Variants in USH2A observed in about 807,000 individuals in gnomAD.
USH2A encodes Usher syndrome 2A (autosomal recessive, mild).
Under a neutral mutation model 538.9 loss-of-function variants are expected in USH2A, and 443 were observed. The ratio of observed to expected loss-of-function variants is 0.82; its 90% CI spans 0.76 to 0.89. The LOEUF is 0.89. Among genes scored for constraint, USH2A ranks in the 40% least tolerant of loss-of-function variants. The pLI is 0.00. For missense variants in USH2A, 6,633 were observed against 6,324.8 expected (o/e 1.05, Z -1.65); for synonymous variants, 2,413 against 2,273.5 (o/e 1.06, Z -1.75).
intron 21 of USH2A, among the ~76,000 whole-genome samples, chr1:216,138,622 C>T (rs2033535360): frequency 6.6e-6 from 1 of 152,148 alleles, no homozygotes; most frequent in African/African-American, 2.4e-5. Context: ...TTATTGACTT[C>T]AACCTGATCA....
At chr1:215,801,956 A>G (rs1368798232) in intron 49 of USH2A, among the ~76,000 whole-genome samples, 1 of 152,170 alleles carries the variant, frequency 6.6e-6, no homozygotes, top group Admixed American at 6.6e-5. Flanking sequence ...GATCCTAAAA[A>G]TGAACCCTTG....
At chr1:215,748,199 G>A (rs1303793206) in intron 58 of USH2A, among the ~76,000 whole-genome samples, 1 of 152,144 alleles carries the variant, frequency 6.6e-6, no homozygotes, top group Non-Finnish European at 1.5e-5. Flanking sequence ...CACCAGGCTG[G>A]AGTGCAGTGG....
intron 62 of USH2A, among the ~76,000 whole-genome samples, chr1:215,677,921 C>T (rs1658087386): frequency 6.6e-6 from 1 of 152,198 alleles, no homozygotes; most frequent in Admixed American, 6.5e-5. Context: ...CTACTTGCTC[C>T]TAACTTGTTC....
chr1:216,137,866 G>C (rs1359058598), intron 21 of USH2A, among the ~76,000 whole-genome samples: 1 of 152,026 alleles, frequency 6.6e-6, no homozygotes, highest in Non-Finnish European at 1.5e-5. Flanking sequence ...GTTTAATAGA[G>C]CGATCTTTAC....
rs768104159 is a variant in USH2A, at chr1:215,728,261, A to AC, written c.11834dup (p.Cys3945TrpfsTer2). 2 of 1,614,154 alleles carry AC rather than the reference A, an allele frequency of 1.2e-6. No individual in the cohort carries two copies. The highest frequency in any genetic ancestry group is 2.7e-5 in the African/African-American group (2 of 75,040). ...GACTCTCCACTGAACCCTTGGAGTT[A>AC]CAGGCTCTGACCCGATATTCGTAGA... is the stretch of plus-strand genomic sequence containing the variant. On this transcript the variant is annotated frameshift_variant, in exon 61 of 72. Transcript: ENST00000307340. LOFTEE classifies it high-confidence loss of function.
intron 17 of USH2A, among the ~76,000 whole-genome samples, chr1:216,199,305 C>G (rs2034927447): frequency 1.3e-5 from 2 of 152,084 alleles, no homozygotes; most frequent in Admixed American, 6.6e-5. Flanking sequence ...ACTTGTGACA[C>G]AGTCAAATAT....
At chr1:215,649,046 T>A (rs1464040152) in intron 65 of USH2A, among the ~76,000 whole-genome samples, 1 of 152,262 alleles carries the variant, frequency 6.6e-6, no homozygotes, top group East Asian at 1.9e-4. Flanking sequence ...TCTATTACCT[T>A]AGAAAGGTAT....
chr1:216,147,024 A>C (rs545309646), intron 21 of USH2A, among the ~76,000 whole-genome samples: 1 of 152,338 alleles, frequency 6.6e-6, no homozygotes, highest in South Asian at 2.1e-4. Context: ...GTCATAAAAT[A>C]GGCAAATGGC....
intron 4 of USH2A, among the ~76,000 whole-genome samples, chr1:216,339,253 AC>A (rs1187498773): frequency 1.3e-5 from 2 of 151,526 alleles, no homozygotes; most frequent in African/African-American, 4.8e-5. Flanking sequence ...TTGAAGATAT[AC>A]TCTGTATTTT....
At chr1:215,955,533 A>G (rs1410706553) in intron 37 of USH2A, among the ~76,000 whole-genome samples, 1 of 152,210 alleles carries the variant, frequency 6.6e-6, no homozygotes, top group Admixed American at 6.5e-5. Context: ...TCTTAATTTA[A>G]TTCTATGATT....
At chr1:216,209,208 G>A (rs1383276266) in intron 15 of USH2A, among the ~76,000 whole-genome samples, 3 of 152,184 alleles carry the variant, frequency 2.0e-5, no homozygotes, top group African/African-American at 7.2e-5. Flanking sequence ...ACTGTATGAA[G>A]AGCATCACCT....
At chr1:215,969,548 CTTT>C (rs1203543611) in intron 36 of USH2A, among the ~76,000 whole-genome samples, 1 of 143,258 alleles carries the variant, frequency 7.0e-6, no homozygotes. Context: ...GTTTCTTTTT[CTTT>C]TTTTTTTTTT....
chr1:216,216,218 G>A (rs2102494421), intron 15 of USH2A, among the ~76,000 whole-genome samples: 1 of 152,144 alleles, frequency 6.6e-6, no homozygotes, highest in South Asian at 2.1e-4. Flanking sequence ...TACATGAAAG[G>A]AATTATGACA....
chr1:216,133,529 G>A (rs1195904317), intron 21 of USH2A, among the ~76,000 whole-genome samples: 1 of 152,080 alleles, frequency 6.6e-6, no homozygotes, highest in Non-Finnish European at 1.5e-5. Context: ...GAGGATGTGT[G>A]CGTAGCTCCC....
chr1:215,827,642 T>C (rs1405238395), intron 47 of USH2A, among the ~76,000 whole-genome samples: 1 of 152,142 alleles, frequency 6.6e-6, no homozygotes, highest in African/African-American at 2.4e-5. Flanking sequence ...ATTGATTGGA[T>C]CTGTACGAAT....
intron 41 of USH2A, among the ~76,000 whole-genome samples, chr1:215,879,356 T>C (rs923592237): frequency 3.9e-5 from 6 of 152,228 alleles, no homozygotes; most frequent in Non-Finnish European, 7.3e-5. Flanking sequence ...GATACACACC[T>C]TAGCGATTCA....
chr1:216,376,185 G>A (rs1047513010), intron 3 of USH2A, among the ~76,000 whole-genome samples: 1 of 152,128 alleles, frequency 6.6e-6, no homozygotes, highest in African/African-American at 2.4e-5. Flanking sequence ...TTTGCCTGAA[G>A]CAAGGTTGCC....
chr1:215,999,525 C>G (rs1452982270), intron 33 of USH2A, among the ~76,000 whole-genome samples: 2 of 152,098 alleles, frequency 1.3e-5, no homozygotes, highest in Non-Finnish European at 2.9e-5. Context: ...AAGTGACACA[C>G]TACTTAGATA....
chr1:216,113,857 G>A (rs2032936515), intron 21 of USH2A, among the ~76,000 whole-genome samples: 1 of 151,142 alleles, frequency 6.6e-6, no homozygotes, highest in South Asian at 2.1e-4. Flanking sequence ...TTCATTTTCT[G>A]TATTTTTATA....
Sources: gnomAD v4.1 joint callset for allele counts (sites outside exome capture counted in the v4.1 genomes callset) on GRCh38, gnomAD v4.1.1 for gene constraint, MANE v1.5 for transcripts, NCBI Gene and HGNC (gene_info 2026-07-23, HGNC 2026-07-21) for gene names.